MYH4: variants seen among roughly 807,000 people sequenced by gnomAD.
MYH4 encodes myosin-4.
Under a neutral mutation model 229.9 loss-of-function variants are expected in MYH4, and 200 were observed. The observed-to-expected ratio is 0.87, with a 90% CI of 0.78 to 0.98. The LOEUF is 0.98. Ranked by LOEUF, MYH4 falls within the 50% of genes least tolerant of loss-of-function variation. The pLI is 0.00. For synonymous variants in MYH4, 761 were observed against 834.6 expected (o/e 0.91, Z 1.52); for missense variants, 2,148 against 2,332.6 (o/e 0.92, Z 1.63).
chr17:10,445,221 T>C lies in MYH4; in HGVS notation c.5295+16A>G. ...AGCATGCATGTGTCAGTAAGACAAA[T>C]GCTCATCTTGCTTACATCAGTGATG... On this transcript the variant is annotated intron_variant, in intron 36 of 39. Coordinates refer to ENST00000255381, the MANE Select transcript of MYH4 (RefSeq NM_017533.2). The C allele has an allele frequency of 6.2e-7, 1 of 1,614,182 alleles. No individual in the cohort carries two copies. Among genetic ancestry groups the C allele is most frequent in the Non-Finnish European group, 8.5e-7 (1 of 1,180,012 alleles).
intron 12 of MYH4, 102 bp from the exon 13 acceptor site, chr17:10,460,423 T>A (rs2072688108): frequency 1.1e-6 from 1 of 925,988 alleles, no homozygotes; most frequent in Non-Finnish European, 1.6e-6. Flanking sequence ...AAAAGTAAGA[T>A]GTGCAAATGT....
At position 10,452,343 on chromosome 17, in the gene MYH4, T is replaced by C. The variant is rs376045264; in HGVS notation, c.3349-13A>G. 6.2e-7 allele frequency: 1 copy of C among 1,614,144 alleles called. No individual in the cohort carries two copies. The highest frequency in any genetic ancestry group is 8.5e-7 in the Non-Finnish European group (1 of 1,180,014). ...CCTCAATGCGGGCCTGGTTGTGATA[T>C]GTCAACATTAATGTGAATTTATGTC... On this transcript the variant is annotated splice_polypyrimidine_tract_variant and intron_variant, in intron 26 of 39. Coordinates refer to ENST00000255381, the MANE Select transcript of MYH4 (RefSeq NM_017533.2).
In MYH4 at chr17:10,448,065, T is replaced by A. The variant is rs780174410; in HGVS notation, c.4718A>T (p.Lys1573Ile). ...LRIQLELNQV[K>I]SEIDRKIAEK... ...AGCAATTTTTCGGTCAATCTCAGAT[T>A]TCACCTGATTTAGCTCAAGTTGAAT... Residue 1573 changes from lysine to isoleucine, a missense_variant, in exon 34 of 40, where the codon AAA becomes ATA. Lys to Ile is a moderately radical substitution (Grantham distance 102). Transcript: ENST00000255381. The A allele has an allele frequency of 6.2e-7, 1 of 1,614,090 alleles. No individual in the cohort carries two copies. The highest frequency in any genetic ancestry group is 8.5e-7 in the Non-Finnish European group (1 of 1,179,998).
At chr17:10,461,168 G>T in intron 11 of MYH4, 114 bp from the exon 12 acceptor site, 1 of 1,207,550 alleles carries the variant, frequency 8.3e-7, no homozygotes, top group Non-Finnish European at 1.2e-6. Context: ...TATTTGACTA[G>T]CACTTTGCCA....
intron 27 of MYH4, 89 bp from the exon 28 acceptor site, chr17:10,451,541 G>A (rs1356635062): frequency 7.2e-7 from 1 of 1,388,614 alleles, no homozygotes; most frequent in Non-Finnish European, 9.7e-7. Context: ...TGTGGAAAGG[G>A]GCTGATTTTT....
intron 27 of MYH4, 64 bp downstream of exon 27, chr17:10,451,877 A>T (rs1036197935): frequency 1.3e-6 from 2 of 1,538,176 alleles, no homozygotes; most frequent in African/African-American, 2.8e-5. Context: ...AAATAGTCAT[A>T]TATAAACTTG....
At chr17:10,455,554 A>C in intron 19 of MYH4, 60 bp downstream of exon 19, 1 of 1,589,174 alleles carries the variant, frequency 6.3e-7, no homozygotes, top group African/African-American at 1.3e-5. Context: ...AAATGTTGGA[A>C]TTATATAGTG....
chr17:10,447,941 A>G lies in MYH4; in HGVS notation c.4842T>C (p.Asp1614=), dbSNP rs1394484060. 3 of 1,613,996 alleles carry G rather than the reference A, an allele frequency of 1.9e-6. No individual in the cohort carries two copies. Among genetic ancestry groups the G allele is most frequent in the Non-Finnish European group, 2.5e-6 (3 of 1,179,980 alleles). ...CCATCTTCTTCTTGATCCTCAGAGC[A>G]TCATTTCTGCTCCTGATCTCAGCAT... is the stretch of plus-strand genomic sequence containing the variant. The part of the protein sequence containing the change: ...TLDAEIRSRN[D]ALRIKKKMEG... Residue 1614 remains aspartate (D), a synonymous_variant, in exon 34 of 40, where the codon GAT becomes GAC. Coordinates refer to ENST00000255381, the MANE Select transcript of MYH4 (RefSeq NM_017533.2).
At position 10,448,983 on chromosome 17, in the gene MYH4, C is replaced by T; in HGVS notation, c.4246G>A (p.Ala1416Thr). The change falls in exon 31 of 40, where the codon GCT (alanine) becomes ACT (threonine). Residue 1416 changes from alanine (A) to threonine (T), a missense_variant. By Grantham distance (58) the Ala-to-Thr change is moderately conservative. Coordinates refer to ENST00000255381, the MANE Select transcript of MYH4 (RefSeq NM_017533.2). ...CTCTGCTTTGTCTTTTCAAGAGAAG[C>T]ACATTTGGAATTCACAGCTTCTACA... Reference protein sequence around the residue: ...EHVEAVNSKCASLEKTKQRLQ... With the variant: ...EHVEAVNSKCTSLEKTKQRLQ... 1 of 1,614,082 alleles carries T rather than the reference C, an allele frequency of 6.2e-7. No homozygotes were observed. Among genetic ancestry groups the T allele is most frequent in the Non-Finnish European group, 8.5e-7 (1 of 1,179,996 alleles).
Position 10,454,923 on chromosome 17 carries a change from TTG to T in MYH4, c.2435+16_2435+17del, listed in dbSNP as rs2072621233. 1 of 1,613,468 alleles carries T rather than the reference TTG, an allele frequency of 6.2e-7. No homozygotes were observed. The highest frequency in any genetic ancestry group is 8.5e-7 in the Non-Finnish European group (1 of 1,179,620). Reference sequence around the variant, plus strand: ...TTATGAAAGTGTGGAGCAGGAAGACTTGTGTGTGGGCTCTCACCTCCTCTCCA... The same window carrying T: ...TTATGAAAGTGTGGAGCAGGAAGACTTGTGTGGGCTCTCACCTCCTCTCCA... On this transcript the variant is annotated intron_variant, in intron 21 of 39. Coordinates refer to ENST00000255381, the MANE Select transcript of MYH4 (RefSeq NM_017533.2).
At chr17:10,457,771 GA>G in intron 15 of MYH4, 42 bp from the exon 16 acceptor site, 7 of 1,578,366 alleles carry the variant, frequency 4.4e-6, no homozygotes, top group Non-Finnish European at 6.0e-6. Flanking sequence ...GAGTCCCTCA[GA>G]AAGTTATGCT....
intron 19 of MYH4, 29 bp from the exon 20 acceptor site, chr17:10,455,324 TG>T (rs1295379528): frequency 6.3e-7 from 1 of 1,593,434 alleles, no homozygotes; most frequent in Non-Finnish European, 8.5e-7. Context: ...TATAAAAATG[TG>T]GTTTTTCTTC....
At chr17:10,465,629 C>T (rs1223359722) in intron 4 of MYH4, 31 bp from the exon 5 acceptor site, 1 of 1,613,772 alleles carries the variant, frequency 6.2e-7, no homozygotes, top group South Asian at 1.1e-5. Flanking sequence ...CCTCGATCAG[C>T]AATCACCTTG....
At position 10,444,788 on chromosome 17, in the gene MYH4, T is replaced by C. The variant is rs778191883; in HGVS notation, c.5571+7A>G. 2.9e-5 allele frequency: 47 copies of C among 1,613,704 alleles called. 1 individual carries two copies. In the Admixed American group the frequency reaches 7.8e-4, roughly 27 times the overall value. On this transcript the variant is annotated splice_region_variant and intron_variant, in intron 38 of 39. Coordinates refer to ENST00000255381, the MANE Select transcript of MYH4 (RefSeq NM_017533.2). ...ATAGGCCTGGAAGATATGAAAACAC[T>C]GGTCACCTGGTAAGTGAGTTCCTTC...
chr17:10,456,015 A>G, intron 17 of MYH4, 114 bp from the exon 18 acceptor site: 1 of 1,291,172 alleles, frequency 7.7e-7, no homozygotes, highest in Non-Finnish European at 1.1e-6. Context: ...AGGAAAAACA[A>G]ATTATCATAA....
intron 27 of MYH4, 32 bp downstream of exon 27, chr17:10,451,909 T>G (rs2072577520): frequency 3.2e-6 from 5 of 1,554,938 alleles, no homozygotes; most frequent in Middle Eastern, 1.7e-4. Context: ...TTGTTGCAAA[T>G]AAAGATGAAA....
intron 2 of MYH4, among the ~76,000 whole-genome samples, chr17:10,467,891 T>G (rs1257650609): frequency 6.6e-6 from 1 of 152,204 alleles, no homozygotes; most frequent in Non-Finnish European, 1.5e-5. Flanking sequence ...GGAGCAGAAG[T>G]GTCTTGGTTG....
intron 27 of MYH4, among the ~76,000 whole-genome samples, 154 bp from the exon 28 acceptor site, chr17:10,451,606 T>A (rs539179957): frequency 1.3e-5 from 2 of 152,332 alleles, no homozygotes; most frequent in Non-Finnish European, 2.9e-5. Context: ...AGGCATTTAA[T>A]TTGGCTAAAT....
At position 10,455,273 on chromosome 17, in the gene MYH4, C is replaced by G. The variant is rs776529132; in HGVS notation, c.2197G>C (p.Ala733Pro). ...KQRYKVLNASAIPEGQFIDSK... is the reference protein window; with the variant it reads ...KQRYKVLNASPIPEGQFIDSK... ...TCAATGAACTGACCCTCTGGGATAG[C>G]ACTCGCATTTAGAACCTTGTATCTG... The change falls in exon 20 of 40, where the codon GCT becomes CCT. Residue 733 changes from alanine to proline, a missense_variant. Coordinates refer to ENST00000255381, the MANE Select transcript of MYH4 (RefSeq NM_017533.2). The G allele has an allele frequency of 6.2e-7, 1 of 1,613,606 alleles. No homozygotes were observed. Among genetic ancestry groups the G allele is most frequent in the African/African-American group, 1.3e-5 (1 of 74,858 alleles).
Sources: gnomAD v4.1 joint callset for allele counts (sites outside exome capture counted in the v4.1 genomes callset) on GRCh38, gnomAD v4.1.1 for gene constraint, MANE v1.5 for transcripts, NCBI Gene and HGNC (gene_info 2026-07-23, HGNC 2026-07-21) for gene names.